Variants in ZFHX3 observed in about 807,000 individuals in gnomAD.
ZFHX3 encodes zinc finger homeobox protein 3.
ZFHX3 carries 42 observed loss-of-function variants against 279.1 expected under a neutral mutation model. That is an observed-to-expected ratio of 0.15 (90% CI 0.12 to 0.19). The LOEUF (loss-of-function observed/expected upper bound fraction) is 0.19. Among genes scored for constraint, ZFHX3 ranks in the 10% least tolerant of loss-of-function variants. The pLI, the probability that ZFHX3 is intolerant of heterozygous loss-of-function variation, is 1.00. For synonymous variants in ZFHX3, 2,293 were observed against 1,957.8 expected (o/e 1.17, Z -4.52); for missense variants, 4,981 against 4,754.0 (o/e 1.05, Z -1.40).
At chr16:73,543,411 C>T (rs2020051710) in intron 2 of ZFHX3, among the ~76,000 whole-genome samples, 3 of 152,196 alleles carry the variant, frequency 2.0e-5, no homozygotes, top group East Asian at 1.9e-4. Context: ...CTGTGCATCT[C>T]GGCCTGGTCC....
intron 5 of ZFHX3, among the ~76,000 whole-genome samples, chr16:73,218,821 T>TAATC (rs1259580990): frequency 6.6e-6 from 1 of 152,188 alleles, no homozygotes; most frequent in African/African-American, 2.4e-5. Context: ...TTTATCATTA[T>TAATC]AATCATTCTA....
intron 3 of ZFHX3, among the ~76,000 whole-genome samples, chr16:73,349,563 G>A (rs1014913502): frequency 1.3e-5 from 2 of 152,032 alleles, no homozygotes; most frequent in Non-Finnish European, 2.9e-5. Flanking sequence ...AAGTGAGGAA[G>A]CTTGGGTAGA....
At chr16:73,806,389 G>A (rs539061011) in intron 1 of ZFHX3, among the ~76,000 whole-genome samples, 17 of 152,332 alleles carry the variant, frequency 1.1e-4, no homozygotes, top group African/African-American at 3.8e-4. Context: ...CACAGTGAGA[G>A]AACAAGAGAT....
chr16:73,555,345 G>T (rs2020261963), intron 2 of ZFHX3, among the ~76,000 whole-genome samples: 1 of 151,912 alleles, frequency 6.6e-6, no homozygotes, highest in South Asian at 2.1e-4. Flanking sequence ...TAGCAGAGAC[G>T]GGGTTTCACA....
intron 1 of ZFHX3, among the ~76,000 whole-genome samples, chr16:73,832,389 T>C (rs985375153): frequency 1.3e-5 from 2 of 152,124 alleles, no homozygotes; most frequent in Non-Finnish European, 2.9e-5. Flanking sequence ...GGTCACCTAG[T>C]AGCTTAAGAA....
intron 3 of ZFHX3, among the ~76,000 whole-genome samples, chr16:72,945,245 C>A (rs1468280046): frequency 6.6e-6 from 1 of 152,198 alleles, no homozygotes; most frequent in African/African-American, 2.4e-5. Flanking sequence ...ACTGGTGAAT[C>A]ATGAGCCATA....
intron 3 of ZFHX3, among the ~76,000 whole-genome samples, chr16:73,426,227 TTTCTGCATTA>T (rs1567480569): frequency 6.6e-6 from 1 of 152,198 alleles, no homozygotes; most frequent in African/African-American, 2.4e-5. Context: ...GGAGGTGCTC[TTTCTGCATTA>T]TATATGGCCA....
intron 1 of ZFHX3, among the ~76,000 whole-genome samples, chr16:72,965,452 C>A (rs959624801): frequency 1.3e-5 from 2 of 152,196 alleles, no homozygotes; most frequent in African/African-American, 2.4e-5. Flanking sequence ...CTGCAAAGAA[C>A]TGAAATGTAG....
intron 5 of ZFHX3, among the ~76,000 whole-genome samples, chr16:73,189,536 T>C (rs1241927691): frequency 1.3e-5 from 2 of 152,214 alleles, no homozygotes; most frequent in Non-Finnish European, 2.9e-5. Flanking sequence ...GCCGGCTGCT[T>C]ATAAAGCAGA....
intron 3 of ZFHX3, among the ~76,000 whole-genome samples, chr16:73,329,342 TC>T (rs1376307600): frequency 6.6e-6 from 1 of 152,232 alleles, no homozygotes; most frequent in Non-Finnish European, 1.5e-5. Flanking sequence ...TCCTACCCTT[TC>T]CACCCTCTTG....
At position 73,532,099 on chromosome 16, in the gene ZFHX3, A is replaced by T. The variant is rs185846219; in HGVS notation, c.-1546-75841T>A. On this transcript the variant is annotated intron_variant, in intron 2 of 17. Coordinates refer to the ZFHX3 transcript ENST00000641206. The stretch of plus-strand genomic sequence containing the variant: ...TGAGACCCTGTCTCTAAAAAAGATT[A>T]AAAAAAAAAACAAAGACAGAATATT... 2.1e-3 allele frequency among the ~76,000 whole-genome samples: 295 copies of T among 141,556 alleles called. No homozygotes were observed. The East Asian group carries it at 0.026, about 12-fold the overall frequency. The allele number at this position is 141,556 out of a possible 152,430, so 92.9% of individuals were successfully genotyped here.
intron 1 of ZFHX3, among the ~76,000 whole-genome samples, chr16:73,042,183 T>C (rs1030780063): frequency 2.6e-5 from 4 of 152,174 alleles, no homozygotes; most frequent in Admixed American, 6.5e-5. Flanking sequence ...CAGGCACTTA[T>C]ATGACTTTTT....
chr16:73,067,138 G>A (rs1406504717), intron 8 of ZFHX3, among the ~76,000 whole-genome samples: 3 of 152,150 alleles, frequency 2.0e-5, no homozygotes, highest in Non-Finnish European at 2.9e-5. Flanking sequence ...GCCGTCTGGA[G>A]GGGTGCCTGT....
chr16:73,717,378 CCAGA>C (rs199823555), intron 1 of ZFHX3, among the ~76,000 whole-genome samples: 2,997 of 152,194 alleles, frequency 0.02, 104 homozygotes, highest in African/African-American at 0.069. Flanking sequence ...TCCCTTTGTG[CCAGA>C]AGTTTCCTGA....
chr16:73,723,831 G>C (rs1158856169), intron 1 of ZFHX3, among the ~76,000 whole-genome samples: 3 of 151,982 alleles, frequency 2.0e-5, no homozygotes, highest in Non-Finnish European at 4.4e-5. Flanking sequence ...TGCTTCTAGG[G>C]GTCAAAAGCT....
chr16:73,734,523 A>C (rs1190938426), intron 1 of ZFHX3, among the ~76,000 whole-genome samples: 1 of 152,180 alleles, frequency 6.6e-6, no homozygotes, highest in Non-Finnish European at 1.5e-5. Flanking sequence ...ATTTTGGCTG[A>C]AATATTTACA....
intron 1 of ZFHX3, among the ~76,000 whole-genome samples, chr16:73,832,205 C>CT (rs59475247): frequency 0.053 from 7,688 of 146,120 alleles, 601 homozygotes; most frequent in African/African-American, 0.18. Context: ...ACCTCATATG[C>CT]TTTTTTTTTT....
rs531714184 is a variant in ZFHX3 at position 73,531,224 on chromosome 16, G to A, written c.-1546-74966C>T. The stretch of plus-strand genomic sequence containing the variant: ...GCCACCCTTCTTTGCCCTCAGTGCC[G>A]CTAAATATATCCCCAGTGCTCAGTA... On this transcript the variant is annotated intron_variant, in intron 2 of 17. Transcript: ENST00000641206. Among the ~76,000 whole-genome samples the A allele has an allele frequency of 4.6e-5, 7 of 152,220 alleles. No individual in the cohort carries two copies. The South Asian group carries it at 1.0e-3, about 23-fold the overall frequency.
chr16:73,713,156 T>C (rs2053380771), intron 1 of ZFHX3, among the ~76,000 whole-genome samples: 1 of 152,260 alleles, frequency 6.6e-6, no homozygotes, highest in Admixed American at 6.5e-5. Flanking sequence ...TTTTACATGC[T>C]GGGATAATGA....
Sources: allele counts gnomAD v4.1 joint callset (sites outside exome capture counted in the v4.1 genomes callset), GRCh38; gene constraint gnomAD v4.1.1; transcripts MANE v1.5; gene names NCBI Gene and HGNC (gene_info 2026-07-23, HGNC 2026-07-21).